The following ARMC3 variants were observed in gnomAD, a reference collection of about 807,000 sequenced individuals.
ARMC3 encodes armadillo repeat-containing protein 3.
In ARMC3, 74 loss-of-function variants were observed where a neutral mutation model predicts 90.3. The observed-to-expected ratio is 0.82, with a 90% CI of 0.68 to 0.99. The LOEUF is 0.99. Among genes scored for constraint, ARMC3 ranks in the 50% least tolerant of loss-of-function variants. ARMC3 has a pLI of 0.00. For missense variants in ARMC3, 958 were observed against 1,042.8 expected (o/e 0.92, Z 1.12); for synonymous variants, 334 against 361.8 (o/e 0.92, Z 0.87).
intron 7 of ARMC3, among the ~76,000 whole-genome samples, chr10:22,962,618 A>T (rs1221036553): frequency 6.6e-6 from 1 of 152,200 alleles, no homozygotes; most frequent in Non-Finnish European, 1.5e-5. Flanking sequence ...AAACAGTAAT[A>T]AACAGATTTC....
At chr10:23,013,002 C>T (rs993409683) in intron 16 of ARMC3, among the ~76,000 whole-genome samples, 7 of 151,796 alleles carry the variant, frequency 4.6e-5, no homozygotes, top group African/African-American at 9.7e-5. Flanking sequence ...AATTCTCGGG[C>T]CTCAGCCTCC....
At chr10:22,999,549 G>A (rs903458360) in intron 11 of ARMC3, among the ~76,000 whole-genome samples, 5 of 152,260 alleles carry the variant, frequency 3.3e-5, no homozygotes, top group South Asian at 2.1e-4. Flanking sequence ...CAAAACCAAC[G>A]TTTATTTGGC....
intron 11 of ARMC3, among the ~76,000 whole-genome samples, chr10:22,998,904 T>C (rs1837150695): frequency 6.6e-6 from 1 of 152,246 alleles, no homozygotes; most frequent in African/African-American, 2.4e-5. Context: ...CTAAGCACTA[T>C]GCTGTTTTGG....
chr10:22,954,612 C>CA (rs1834856167), intron 3 of ARMC3, among the ~76,000 whole-genome samples: 1 of 148,190 alleles, frequency 6.7e-6, no homozygotes, highest in African/African-American at 2.5e-5. Context: ...GTCGAGACTG[C>CA]AGAGAGCCAT....
intron 16 of ARMC3, chr10:23,014,370 T>A: frequency 7.7e-7 from 1 of 1,298,348 alleles, no homozygotes; most frequent in East Asian, 3.0e-5. Context: ...GAGGGGTAGA[T>A]TAGCCATAGC....
chr10:22,986,449 G>A (rs1308782233), intron 10 of ARMC3, among the ~76,000 whole-genome samples: 1 of 151,618 alleles, frequency 6.6e-6, no homozygotes, highest in Non-Finnish European at 1.5e-5. Context: ...CTACATGGGA[G>A]GCTGAGGCAT....
chr10:22,931,837 G>T (rs1833944290), intron 1 of ARMC3, among the ~76,000 whole-genome samples, 159 bp from the exon 2 acceptor site: 2 of 152,264 alleles, frequency 1.3e-5, no homozygotes, highest in Middle Eastern at 3.4e-3. Flanking sequence ...TGGGATGTAG[G>T]TGACATATTT....
intron 14 of ARMC3, among the ~76,000 whole-genome samples, chr10:23,007,677 CA>C (rs1310640525): frequency 8.6e-6 from 1 of 116,410 alleles, no homozygotes; most frequent in African/African-American, 3.5e-5. Context: ...TCTAGCCTGG[CA>C]ACAGAGCAAG....
intron 13 of ARMC3, among the ~76,000 whole-genome samples, chr10:23,003,678 G>A (rs1248307620): frequency 6.6e-6 from 1 of 152,162 alleles, no homozygotes; most frequent in Non-Finnish European, 1.5e-5. Context: ...AAGAAGAGCT[G>A]GGTGGGCCTG....
In ARMC3 at chr10:23,008,774, A is replaced by G. The variant is rs779914221; in HGVS notation, c.1929-41A>G. ...CAAATGTAATGTATTGTTGTTTTCC[A>G]TATGATTGAAATTGGTTGTGGTTTT... On this transcript the variant is annotated intron_variant, in intron 15 of 18. Transcript: ENST00000298032. The G allele has an allele frequency of 4.6e-6, 7 of 1,507,640 alleles. No individual in the cohort carries two copies. In the East Asian group the frequency reaches 9.1e-5, roughly 19 times the overall value. The allele number at this position is 1,507,640 out of a possible 1,614,324, so 93.4% of individuals were successfully genotyped here.
At chr10:23,000,008 C>T (rs1188421417) in intron 11 of ARMC3, among the ~76,000 whole-genome samples, 1 of 152,150 alleles carries the variant, frequency 6.6e-6, no homozygotes, top group African/African-American at 2.4e-5. Context: ...CTGGAATATG[C>T]AGGAGACCCT....
In ARMC3 at chr10:23,032,830, G is replaced by T; in HGVS notation, c.2247-31G>T. ...GCATCCTAAGCGAGTTATTAAAATTGACCGATTTGATCTCAATGTAATTGA... is the reference window on the plus strand; with the variant it reads ...GCATCCTAAGCGAGTTATTAAAATTTACCGATTTGATCTCAATGTAATTGA... On this transcript the variant is annotated intron_variant, in intron 17 of 18. Coordinates refer to ENST00000298032, the MANE Select transcript of ARMC3 (RefSeq NM_173081.5). 3 of 1,588,516 alleles carry T rather than the reference G, an allele frequency of 1.9e-6. No individual in the cohort carries two copies. The South Asian group carries it at 3.4e-5, about 18-fold the overall frequency.
intron 13 of ARMC3, among the ~76,000 whole-genome samples, chr10:23,003,927 C>T (rs1220029120): frequency 6.6e-6 from 1 of 152,068 alleles, no homozygotes; most frequent in East Asian, 1.9e-4. Context: ...GTAGGAGAAT[C>T]ACTTGAGGCA....
intron 16 of ARMC3, among the ~76,000 whole-genome samples, chr10:23,010,349 C>G (rs1588916331): frequency 7.3e-6 from 1 of 136,168 alleles, no homozygotes; most frequent in East Asian, 2.3e-4. Context: ...TCTTATCTCT[C>G]CTTCCCTTTC....
intron 10 of ARMC3, among the ~76,000 whole-genome samples, chr10:22,992,175 A>C (rs1836739194): frequency 6.6e-6 from 1 of 152,178 alleles, no homozygotes; most frequent in African/African-American, 2.4e-5. Context: ...CTTGGGAGGA[A>C]ATTACATTTG....
At chr10:23,002,887 T>C (rs1450020157) in intron 12 of ARMC3, among the ~76,000 whole-genome samples, 1 of 152,226 alleles carries the variant, frequency 6.6e-6, no homozygotes, top group Non-Finnish European at 1.5e-5. Flanking sequence ...GGTTTTAAGT[T>C]TCTATAGACA....
intron 8 of ARMC3, among the ~76,000 whole-genome samples, chr10:22,974,113 G>A (rs1282763811): frequency 2.0e-5 from 3 of 151,906 alleles, no homozygotes; most frequent in Non-Finnish European, 2.9e-5. Flanking sequence ...ATCCACTACT[G>A]ATTTTTTTAA....
intron 15 of ARMC3, among the ~76,000 whole-genome samples, 159 bp downstream of exon 15, chr10:23,008,533 GGA>G (rs1837749667): frequency 6.6e-6 from 1 of 152,154 alleles, no homozygotes; most frequent in African/African-American, 2.4e-5. Context: ...AAAGATCTCT[GGA>G]ATAGGAGCCA....
rs565587591 is a variant in ARMC3, at chr10:22,946,268, AT to A, written c.166+14del. The A allele has an allele frequency of 5.8e-6, 9 of 1,551,112 alleles. No individual in the cohort carries two copies. Among genetic ancestry groups the A allele is most frequent in the African/African-American group, 1.4e-5 (1 of 73,088 alleles). ...TATAAATTTGCTTTAAAAGGTTTGG[AT>A]TTTTTTCAGTTTATCTTTCTGTTTC... On this transcript the variant is annotated splice_region_variant and intron_variant, in intron 3 of 18. Coordinates refer to ENST00000298032, the MANE Select transcript of ARMC3 (RefSeq NM_173081.5).
Sources: gnomAD v4.1 joint callset for allele counts (sites outside exome capture counted in the v4.1 genomes callset) on GRCh38, gnomAD v4.1.1 for gene constraint, MANE v1.5 for transcripts, NCBI Gene and HGNC (gene_info 2026-07-23, HGNC 2026-07-21) for gene names.